The following HYLS1 variants were observed in gnomAD, a reference collection of about 807,000 sequenced individuals.
The protein encoded by HYLS1 is centriolar and ciliogenesis-associated protein HYLS1.
HYLS1 carries 25 observed loss-of-function variants against 29.4 expected under a neutral mutation model. The observed-to-expected ratio is 0.85, with a 90% CI of 0.62 to 1.19. The LOEUF (loss-of-function observed/expected upper bound fraction) is 1.19. Ranked by LOEUF, HYLS1 falls within the 50% of genes most tolerant of loss-of-function variation. The probability of loss-of-function intolerance (pLI) is 0.00; values close to 1 mark genes in which losing one functional copy is unlikely to be tolerated. For missense variants in HYLS1, 352 were observed against 365.1 expected (o/e 0.96, Z 0.29); for synonymous variants, 128 against 126.7 (o/e 1.01, Z -0.07).
intron 2 of HYLS1, chr11:125,894,008 A>G: frequency 6.2e-7 from 1 of 1,614,218 alleles, no homozygotes; most frequent in Non-Finnish European, 8.5e-7. Context: ...ATATGTGCGC[A>G]TCTTCACTCC....
At chr11:125,884,307 G>A (rs1313862813), upstream of HYLS1, among the ~76,000 whole-genome samples, 2 of 152,190 alleles carry the variant, frequency 1.3e-5, no homozygotes, top group East Asian at 3.8e-4. Flanking sequence ...ACTACTTTAG[G>A]TGTGATAATA....
chr11:125,893,671 TC>T (rs141738016), intron 2 of HYLS1: 315,989 of 590,104 alleles, frequency 0.54, 57,713 homozygotes, highest in Admixed American at 0.6. Flanking sequence ...CTTTTTTTTT[TC>T]TTTTAAGAGC....
At chr11:125,893,684 G>T (rs1591497541) in intron 2 of HYLS1, 71 of 788,648 alleles carry the variant, frequency 9.0e-5, no homozygotes, top group Non-Finnish European at 1.2e-4. Flanking sequence ...TTTAAGAGCT[G>T]ATCATCTGAA....
upstream of HYLS1, among the ~76,000 whole-genome samples, chr11:125,886,322 G>A (rs1172352962): frequency 5.3e-5 from 8 of 152,160 alleles, no homozygotes; most frequent in Admixed American, 5.2e-4. Flanking sequence ...AAGAGGGAGA[G>A]TAAGAGATAA....
intron 2 of HYLS1, chr11:125,895,153 T>C: frequency 7.7e-7 from 1 of 1,291,880 alleles, no homozygotes; most frequent in Non-Finnish European, 1.1e-6. Context: ...TTCAAGCAAT[T>C]CTTGTGCCTC....
chr11:125,895,929 T>G (rs1165614677), intron 2 of HYLS1: 1 of 1,613,548 alleles, frequency 6.2e-7, no homozygotes, highest in South Asian at 1.1e-5. Flanking sequence ...ACTAACTCCT[T>G]TATCTGTTCT....
In HYLS1 at chr11:125,899,981, C is replaced by T. The variant is rs781782721; in HGVS notation, c.613C>T (p.Arg205Ter). 13 of 1,614,046 alleles carry T rather than the reference C, an allele frequency of 8.1e-6. No homozygotes were observed. Among genetic ancestry groups the T allele is most frequent in the African/African-American group, 2.7e-5 (2 of 74,926 alleles). Residue 205 changes from arginine (R) to a stop codon, truncating the protein, a stop_gained, in exon 3 of 3, where the codon CGA becomes TGA. Coordinates refer to ENST00000425380, the MANE Select transcript of HYLS1 (RefSeq NM_001134793.2). LOFTEE classifies it high-confidence loss of function. Reference protein sequence around the residue: ...FILPKLDQLSRNRGKTDRVAR... With the variant: ...FILPKLDQLS ...TCTCCCAAAGCTGGACCAGTTAAGC[C>T]GAAACCGGGGCAAGACAGACCGGGT... is the stretch of plus-strand genomic sequence containing the variant.
chr11:125,888,273 C>G (rs182531456), intron 1 of HYLS1: 2 of 152,194 alleles, frequency 1.3e-5, no homozygotes, highest in Non-Finnish European at 2.9e-5. Flanking sequence ...TTGTCCACCC[C>G]GAAATGGAAA....
intron 2 of HYLS1, chr11:125,895,116 A>G: frequency 3.8e-6 from 3 of 779,626 alleles, no homozygotes; most frequent in Non-Finnish European, 5.9e-6. Flanking sequence ...GTCCAATCTC[A>G]GCTCAGTGCA....
In HYLS1 at chr11:125,900,617, A is replaced by T. The variant is rs1441312298; in HGVS notation, c.*349A>T. 3.5e-6 allele frequency: 1 copy of T among 286,238 alleles called. No homozygotes were observed. Among genetic ancestry groups the T allele is most frequent in the East Asian group, 1.0e-4 (1 of 9,606 alleles). 17.7% of individuals were successfully genotyped at this position (286,238 alleles called of 1,614,324 possible). ...TGTTTTTTAAGTTGCTGGGCATTAC[A>T]CTTACCAATTAAAGAATTTTGGAAA... On this transcript the variant is annotated 3_prime_UTR_variant, in exon 3 of 3. Transcript: ENST00000425380.
intron 2 of HYLS1, chr11:125,894,146 A>G (rs1258401698): frequency 6.2e-7 from 1 of 1,614,156 alleles, no homozygotes; most frequent in Non-Finnish European, 8.5e-7. Context: ...CATACTATAC[A>G]ACATGTGAGT....
chr11:125,886,649 A>T (rs568266980), upstream of HYLS1, among the ~76,000 whole-genome samples: 1 of 149,090 alleles, frequency 6.7e-6, no homozygotes, highest in Non-Finnish European at 1.5e-5. Context: ...TAAAAAAAAA[A>T]TTAGTGGCTG....
At chr11:125,888,750 C>G (rs1407062799) in intron 1 of HYLS1, among the ~76,000 whole-genome samples, 1 of 134,652 alleles carries the variant, frequency 7.4e-6, no homozygotes, top group African/African-American at 2.9e-5. Context: ...GCCTGGGCGA[C>G]CGAGCAAGAC....
intron 2 of HYLS1, chr11:125,895,755 C>T (rs1449132102): frequency 1.9e-6 from 3 of 1,607,376 alleles, no homozygotes; most frequent in Non-Finnish European, 2.5e-6. Flanking sequence ...ATCCCTGCCC[C>T]TTGGAAACTG....
intron 2 of HYLS1, among the ~76,000 whole-genome samples, chr11:125,898,080 G>A (rs1242452844): frequency 1.3e-5 from 2 of 152,018 alleles, no homozygotes; most frequent in Non-Finnish European, 2.9e-5. Context: ...GTTGTGTAGT[G>A]TTGTCCTTTA....
chr11:125,898,236 G>A (rs921873023), intron 2 of HYLS1, among the ~76,000 whole-genome samples: 1 of 152,110 alleles, frequency 6.6e-6, no homozygotes, highest in African/African-American at 2.4e-5. Flanking sequence ...AGTTTAAAAA[G>A]AAAAATAGTG....
intron 2 of HYLS1, among the ~76,000 whole-genome samples, chr11:125,892,881 C>A (rs913893668): frequency 1.3e-5 from 2 of 152,150 alleles, no homozygotes; most frequent in Admixed American, 6.5e-5. Flanking sequence ...ACAAATGTGA[C>A]CTGTGCTTAC....
chr11:125,895,334 T>C, intron 2 of HYLS1: 1 of 1,614,218 alleles, frequency 6.2e-7, no homozygotes, highest in African/African-American at 1.3e-5. Flanking sequence ...TACATCGGAC[T>C]TGATGATAAA....
chr11:125,890,613 AC>A (rs1321275417), intron 1 of HYLS1, among the ~76,000 whole-genome samples: 3 of 152,060 alleles, frequency 2.0e-5, no homozygotes, highest in African/African-American at 7.2e-5. Context: ...TAACTAGCTA[AC>A]CCTAGGATGC....
Sources: gnomAD v4.1 joint callset for allele counts (sites outside exome capture counted in the v4.1 genomes callset) on GRCh38, gnomAD v4.1.1 for gene constraint, MANE v1.5 for transcripts, NCBI Gene and HGNC (gene_info 2026-07-23, HGNC 2026-07-21) for gene names.